SRPK1: variants seen among roughly 807,000 people sequenced by gnomAD.
SRPK1 encodes SRSF protein kinase 1.
Under a neutral mutation model 89.5 loss-of-function variants are expected in SRPK1, and 52 were observed. The observed-to-expected ratio is 0.58, with a 90% confidence interval of 0.46 to 0.73. SRPK1 has a LOEUF of 0.73. Among genes scored for constraint, SRPK1 ranks in the 30% least tolerant of loss-of-function variants. The probability of loss-of-function intolerance (pLI) is 0.00; values close to 1 mark genes in which losing one functional copy is unlikely to be tolerated. For synonymous variants in SRPK1, 255 were observed against 270.2 expected (o/e 0.94, Z 0.55); for missense variants, 603 against 780.6 (o/e 0.77, Z 2.71).
At chr6:35,918,291 AG>A (rs1300115979) in intron 2 of SRPK1, among the ~76,000 whole-genome samples, 1 of 152,206 alleles carries the variant, frequency 6.6e-6, no homozygotes, top group African/African-American at 2.4e-5. Context: ...ACCTGAGCTC[AG>A]GAGTTCGAGA....
rs191638257 is a variant in SRPK1 at position 35,836,853 on chromosome 6, T to C, written c.1784-1365A>G. Among the ~76,000 whole-genome samples the C allele has an allele frequency of 1.7e-3, 262 of 152,108 alleles. 6 individuals are homozygous for C. The South Asian group carries it at 0.026, about 15-fold the overall frequency. On this transcript the variant is annotated intron_variant, in intron 15 of 15. Coordinates refer to ENST00000373825, the MANE Select transcript of SRPK1 (RefSeq NM_003137.5). ...GTGAGTGCCTATTTGATTACCTACCTGGTAAACACACATGCCTTAATCTGA... is the reference window on the plus strand; with the variant it reads ...GTGAGTGCCTATTTGATTACCTACCCGGTAAACACACATGCCTTAATCTGA...
chr6:35,878,305 A>C (rs1770200906), intron 6 of SRPK1, among the ~76,000 whole-genome samples: 1 of 152,188 alleles, frequency 6.6e-6, no homozygotes, highest in African/African-American at 2.4e-5. Flanking sequence ...GCCAGGTAAT[A>C]AACTGCCAAA....
At position 35,838,317 on chromosome 6, in the gene SRPK1, T is replaced by C. The variant is rs777234023; in HGVS notation, c.1783+20A>G. 2.6e-6 allele frequency: 4 copies of C among 1,523,950 alleles called. No homozygotes were observed. The highest frequency in any genetic ancestry group is 3.5e-6 in the Non-Finnish European group (4 of 1,136,310). 94.4% of individuals were successfully genotyped at this position (1,523,950 alleles called of 1,614,324 possible). On this transcript the variant is annotated intron_variant, in intron 15 of 15. Coordinates refer to ENST00000373825, the MANE Select transcript of SRPK1 (RefSeq NM_003137.5). ...TAAACACTTCTGCCTCCTTAATGTC[T>C]GGGAACACATTTACTTTACCTTTTT...
intron 14 of SRPK1, among the ~76,000 whole-genome samples, chr6:35,840,525 C>T (rs1561965146): frequency 6.6e-6 from 1 of 152,182 alleles, no homozygotes; most frequent in Non-Finnish European, 1.5e-5. Flanking sequence ...AAGTAAACTT[C>T]CAAGTAAAAT....
Position 35,916,295 on chromosome 6 carries a change from G to C in SRPK1, c.74+4173C>G, listed in dbSNP as rs200976662. Among the ~76,000 whole-genome samples the C allele has an allele frequency of 2.6e-5, 4 of 151,896 alleles. No individual in the cohort carries two copies. The East Asian group carries it at 7.7e-4, about 29-fold the overall frequency. Reference sequence around the variant, plus strand: ...GGCATATCAACTTAATGGAATGCTAGATGAGGTTCTCTTTCTGTCCTGACA... The same window carrying C: ...GGCATATCAACTTAATGGAATGCTACATGAGGTTCTCTTTCTGTCCTGACA... On this transcript the variant is annotated intron_variant, in intron 2 of 15. Transcript: ENST00000373825.
chr6:35,871,679 ACAC>A (rs1453178127), intron 8 of SRPK1, among the ~76,000 whole-genome samples: 2 of 152,200 alleles, frequency 1.3e-5, no homozygotes, highest in Admixed American at 1.3e-4. Context: ...AAAAAATGAC[ACAC>A]TACTAAAACT....
intron 6 of SRPK1, among the ~76,000 whole-genome samples, chr6:35,876,080 TAAATTAAAAAA>T (rs1770150402): frequency 1.5e-5 from 1 of 64,734 alleles, no homozygotes; most frequent in Non-Finnish European, 3.4e-5. Context: ...CCTGGATTCT[TAAATTAAAAAA>T]AAAAAAAAAA....
chr6:35,867,307 AT>A (rs1769926928), intron 12 of SRPK1, among the ~76,000 whole-genome samples: 1 of 152,150 alleles, frequency 6.6e-6, no homozygotes, highest in African/African-American at 2.4e-5. Flanking sequence ...TAGTGGAGTA[AT>A]TCTAATTACT....
intron 3 of SRPK1, among the ~76,000 whole-genome samples, chr6:35,889,423 G>A (rs1029249142): frequency 5.3e-5 from 8 of 152,120 alleles, no homozygotes; most frequent in Admixed American, 3.9e-4. Context: ...CAAGGAGGGC[G>A]GATCATTTGA....
At chr6:35,839,200 A>G (rs1027069486) in intron 14 of SRPK1, among the ~76,000 whole-genome samples, 5 of 152,214 alleles carry the variant, frequency 3.3e-5, no homozygotes, top group Admixed American at 3.3e-4. Context: ...CATTTTTTGT[A>G]GAGATGAGGT....
chr6:35,868,194 G>A (rs1172856217), intron 12 of SRPK1, among the ~76,000 whole-genome samples: 3 of 151,878 alleles, frequency 2.0e-5, no homozygotes, highest in East Asian at 1.9e-4. Flanking sequence ...GGCTGGTCTC[G>A]AACTCCTGAC....
intron 12 of SRPK1, among the ~76,000 whole-genome samples, chr6:35,863,688 A>G (rs1407603756): frequency 6.6e-6 from 1 of 152,014 alleles, no homozygotes; most frequent in Admixed American, 6.6e-5. Flanking sequence ...GATTTCAAAA[A>G]AAAGCTGAGG....
intron 2 of SRPK1, among the ~76,000 whole-genome samples, chr6:35,896,172 G>C (rs1770623090): frequency 6.6e-6 from 1 of 152,180 alleles, no homozygotes; most frequent in Non-Finnish European, 1.5e-5. Flanking sequence ...ACTGGCACTG[G>C]AAACGGGGGA....
chr6:35,904,339 C>T (rs1471696783), intron 2 of SRPK1, among the ~76,000 whole-genome samples: 1 of 152,050 alleles, frequency 6.6e-6, no homozygotes, highest in Non-Finnish European at 1.5e-5. Context: ...CCCATGGAAC[C>T]ATGGGGCTCT....
At chr6:35,858,327 A>C (rs1406415956) in intron 12 of SRPK1, among the ~76,000 whole-genome samples, 1 of 152,094 alleles carries the variant, frequency 6.6e-6, no homozygotes, top group African/African-American at 2.4e-5. Context: ...TTTAACTGTG[A>C]CACTTTGTCA....
intron 2 of SRPK1, among the ~76,000 whole-genome samples, chr6:35,904,487 A>G (rs1285100055): frequency 1.3e-5 from 2 of 152,194 alleles, no homozygotes; most frequent in East Asian, 3.9e-4. Context: ...CCTGTAAACA[A>G]AAGTATACAA....
chr6:35,921,023 G>A lies in SRPK1; in HGVS notation c.13+21C>T, dbSNP rs1479221955. 4 of 1,542,586 alleles carry A rather than the reference G, an allele frequency of 2.6e-6. No homozygotes were observed. In the East Asian group the frequency reaches 7.8e-5, roughly 30 times the overall value. On this transcript the variant is annotated intron_variant, in intron 1 of 15. Transcript: ENST00000373825. ...CCCGGCGACCATTGCCCCTCGTGGC[G>A]GAGGCCGCTCCACCGCTCACCTTTC...
intron 2 of SRPK1, among the ~76,000 whole-genome samples, chr6:35,903,483 G>T (rs1231019246): frequency 6.6e-6 from 1 of 151,290 alleles, no homozygotes; most frequent in Non-Finnish European, 1.5e-5. Context: ...CTGCACTCCA[G>T]CCTGGGTGAC....
intron 13 of SRPK1, among the ~76,000 whole-genome samples, chr6:35,853,063 G>C (rs1769588757): frequency 6.6e-6 from 1 of 152,108 alleles, no homozygotes. Flanking sequence ...AACATAGCAA[G>C]ACCTGGTCTC....
Sources: allele counts gnomAD v4.1 joint callset (sites outside exome capture counted in the v4.1 genomes callset), GRCh38; gene constraint gnomAD v4.1.1; transcripts MANE v1.5; gene names NCBI Gene and HGNC (gene_info 2026-07-23, HGNC 2026-07-21).